The following PRIM2 variants were observed in gnomAD, a reference collection of about 807,000 sequenced individuals.
PRIM2 encodes the protein DNA primase large subunit.
A neutral mutation model predicts 67.3 loss-of-function variants in PRIM2; 39 were observed. The ratio of observed to expected loss-of-function variants is 0.58; its 90% CI spans 0.45 to 0.76. The LOEUF is 0.76. PRIM2 is among the 30% of genes least tolerant of loss of function. PRIM2 has a pLI of 0.00. For synonymous variants in PRIM2, 143 were observed against 198.7 expected, an observed-to-expected ratio of 0.72 and a Z score of 2.36; for missense variants, 398 against 598.7, an observed-to-expected ratio of 0.66 and a Z score of 3.50.
intron 12 of PRIM2, among the ~76,000 whole-genome samples, chr6:57,613,597 T>C (rs1776702692): frequency 6.6e-6 from 1 of 152,178 alleles, no homozygotes; most frequent in African/African-American, 2.4e-5. Context: ...TTACCCTACT[T>C]GCAAGCTAAG....
chr6:57,248,885 C>G, the PRIM2 span, among the ~76,000 whole-genome samples: 2 of 152,238 alleles, frequency 1.3e-5, no homozygotes, highest in African/African-American at 4.8e-5. Flanking sequence ...AGCTACCTTA[C>G]AGTGAGTTAG....
chr6:57,365,476 T>C (rs1033474060), intron 5 of PRIM2, among the ~76,000 whole-genome samples: 4 of 152,184 alleles, frequency 2.6e-5, no homozygotes, highest in Non-Finnish European at 5.9e-5. Context: ...AATCTGTTTT[T>C]TATCTTTTGA....
At chr6:57,488,284 C>T (rs1158198925) in intron 7 of PRIM2, among the ~76,000 whole-genome samples, 14 of 152,152 alleles carry the variant, frequency 9.2e-5, no homozygotes, top group Non-Finnish European at 2.1e-4. Context: ...AATGAATGGC[C>T]AATAAGTTTT....
the PRIM2 span, among the ~76,000 whole-genome samples, chr6:57,275,164 G>A: frequency 6.6e-6 from 1 of 152,078 alleles, no homozygotes. Flanking sequence ...GCAAAAAAAT[G>A]CAAGCAGACG....
At chr6:57,269,340 A>G in the PRIM2 span, among the ~76,000 whole-genome samples, 1 of 151,960 alleles carries the variant, frequency 6.6e-6, no homozygotes, top group African/African-American at 2.4e-5. Context: ...CTGGTGTGAG[A>G]TGGTATCTCA....
chr6:57,392,832 AT>A (rs66510838), intron 7 of PRIM2, among the ~76,000 whole-genome samples: 2 of 152,036 alleles, frequency 1.3e-5, no homozygotes, highest in South Asian at 2.1e-4. Flanking sequence ...TGTCCATTGT[AT>A]CATTCTTATG....
chr6:57,292,903 C>T, the PRIM2 span, among the ~76,000 whole-genome samples: 1 of 152,194 alleles, frequency 6.6e-6, no homozygotes, highest in African/African-American at 2.4e-5. Context: ...AAAACCTAGG[C>T]AATACCATTC....
intron 10 of PRIM2, among the ~76,000 whole-genome samples, chr6:57,568,457 A>G (rs1363182159): frequency 4.6e-5 from 7 of 152,206 alleles, no homozygotes; most frequent in Non-Finnish European, 7.4e-5. Flanking sequence ...TTTATGGGAA[A>G]AACCCCTACT....
intron 9 of PRIM2, among the ~76,000 whole-genome samples, chr6:57,537,164 TAATTA>T (rs1370359251): frequency 6.6e-6 from 1 of 152,170 alleles, no homozygotes; most frequent in Non-Finnish European, 1.5e-5. Flanking sequence ...AGAAAAAGTT[TAATTA>T]AATTAAAAAA....
chr6:57,574,214 C>T (rs1171643093), intron 10 of PRIM2, among the ~76,000 whole-genome samples: 14 of 152,358 alleles, frequency 9.2e-5, no homozygotes, highest in South Asian at 6.2e-4. Context: ...CAGTTCACTT[C>T]GGCCTCTAAT....
intron 7 of PRIM2, among the ~76,000 whole-genome samples, chr6:57,437,414 A>G (rs1157718563): frequency 6.6e-6 from 1 of 152,108 alleles, no homozygotes; most frequent in East Asian, 1.9e-4. Context: ...ATTCTTTGTC[A>G]TCTTCCATTA....
At chr6:57,498,344 TG>T (rs1765340812) in intron 7 of PRIM2, among the ~76,000 whole-genome samples, 2 of 152,146 alleles carry the variant, frequency 1.3e-5, no homozygotes, top group Admixed American at 6.6e-5. Context: ...TCTCAAATCT[TG>T]TATGAAATGA....
intron 9 of PRIM2, among the ~76,000 whole-genome samples, chr6:57,537,034 T>C (rs1357706815): frequency 1.3e-5 from 2 of 152,234 alleles, no homozygotes; most frequent in African/African-American, 4.8e-5. Flanking sequence ...TCAATGTCAG[T>C]ATCCTGTTTG....
chr6:57,267,726 T>G, the PRIM2 span, among the ~76,000 whole-genome samples: 1 of 148,782 alleles, frequency 6.7e-6, no homozygotes, highest in Non-Finnish European at 1.5e-5. Context: ...CTGGGCAACA[T>G]TGCGACACCC....
At chr6:57,247,951 T>C in the PRIM2 span, among the ~76,000 whole-genome samples, 2 of 152,158 alleles carry the variant, frequency 1.3e-5, no homozygotes, top group Non-Finnish European at 2.9e-5. Flanking sequence ...TACAGTATAT[T>C]AGTTAATATA....
chr6:57,399,252 C>T (rs536850710), intron 7 of PRIM2, among the ~76,000 whole-genome samples: 16 of 152,290 alleles, frequency 1.1e-4, no homozygotes, highest in African/African-American at 3.8e-4. Context: ...CAAGTGTTCT[C>T]ACTGTTCAGT....
the PRIM2 span, among the ~76,000 whole-genome samples, chr6:57,289,327 GAT>G: frequency 7.9e-5 from 12 of 152,194 alleles, no homozygotes; most frequent in African/African-American, 2.7e-4. Context: ...ATCTACATCT[GAT>G]TGGTGTTCCT....
At chr6:57,267,452 A>G in the PRIM2 span, among the ~76,000 whole-genome samples, 1 of 152,202 alleles carries the variant, frequency 6.6e-6, no homozygotes, top group South Asian at 2.1e-4. Flanking sequence ...CATCTCTTTG[A>G]GAGGCTGCAT....
the PRIM2 span, among the ~76,000 whole-genome samples, chr6:57,267,245 G>T: frequency 6.6e-6 from 1 of 152,098 alleles, no homozygotes; most frequent in Non-Finnish European, 1.5e-5. Flanking sequence ...TAGTTTTATT[G>T]TCATTTTGCC....
Sources: allele counts gnomAD v4.1 joint callset (sites outside exome capture counted in the v4.1 genomes callset), GRCh38; gene constraint gnomAD v4.1.1; transcripts MANE v1.5; gene names NCBI Gene and HGNC (gene_info 2026-07-23, HGNC 2026-07-21).